Variants in ZNF385D observed in about 807,000 individuals in gnomAD.
ZNF385D encodes the protein zinc finger protein 385D.
In ZNF385D, 15 loss-of-function variants were observed where a neutral mutation model predicts 35.8. That is an observed-to-expected ratio of 0.42 (90% confidence interval 0.28 to 0.64). ZNF385D has a LOEUF of 0.64. Among genes scored for constraint, ZNF385D ranks in the 30% least tolerant of loss-of-function variants. The probability of loss-of-function intolerance (pLI) is 0.23; values close to 1 mark genes in which losing one functional copy is unlikely to be tolerated. For synonymous variants in ZNF385D, 212 were observed against 186.8 expected, an observed-to-expected ratio of 1.13 and a Z score of -1.10; for missense variants, 474 against 494.6, an observed-to-expected ratio of 0.96 and a Z score of 0.39.
intron 3 of ZNF385D, among the ~76,000 whole-genome samples, chr3:22,011,290 G>A (rs1461988085): frequency 2.6e-5 from 4 of 151,950 alleles, no homozygotes; most frequent in African/African-American, 7.2e-5. Context: ...AAATATTGAA[G>A]AGCAGTATTC....
At chr3:21,847,920 G>A (rs1575768986) in intron 3 of ZNF385D, among the ~76,000 whole-genome samples, 1 of 152,120 alleles carries the variant, frequency 6.6e-6, no homozygotes. Context: ...ATGTCGTGCA[G>A]CAGATACCTA....
intron 1 of ZNF385D, among the ~76,000 whole-genome samples, chr3:21,670,306 G>T (rs1204487453): frequency 6.6e-6 from 1 of 151,406 alleles, no homozygotes; most frequent in African/African-American, 2.4e-5. Flanking sequence ...AAATACTTAT[G>T]TTGAAATTAT....
intron 4 of ZNF385D, among the ~76,000 whole-genome samples, chr3:21,453,202 C>T (rs1353196910): frequency 2.6e-5 from 4 of 151,000 alleles, no homozygotes; most frequent in Admixed American, 2.0e-4. Flanking sequence ...ACCCCTGCCT[C>T]ACACCGCATG....
chr3:21,589,589 C>G (rs556490159), intron 2 of ZNF385D, among the ~76,000 whole-genome samples: 1 of 152,076 alleles, frequency 6.6e-6, no homozygotes, highest in East Asian at 1.9e-4. Flanking sequence ...TGCAAAGTCA[C>G]TGTAAAAAGA....
intron 2 of ZNF385D, among the ~76,000 whole-genome samples, chr3:22,187,960 G>T (rs56187360): frequency 0.13 from 19,021 of 152,132 alleles, 1,547 homozygotes; most frequent in Middle Eastern, 0.24. Context: ...ATGGCAAAGG[G>T]GATGTTGCAT....
At chr3:21,820,614 A>G (rs2073356507) in intron 3 of ZNF385D, among the ~76,000 whole-genome samples, 1 of 151,824 alleles carries the variant, frequency 6.6e-6, no homozygotes, top group Admixed American at 6.6e-5. Context: ...TAATAAAGAT[A>G]CATGAAAAAT....
intron 3 of ZNF385D, among the ~76,000 whole-genome samples, chr3:21,981,856 G>A (rs1694471975): frequency 6.6e-6 from 1 of 151,950 alleles, no homozygotes; most frequent in African/African-American, 2.4e-5. Context: ...CAGCTTTGTT[G>A]ACGATCAGAT....
chr3:21,777,871 G>C (rs902776212), intron 3 of ZNF385D: 6 of 151,846 alleles, frequency 4.0e-5, no homozygotes, highest in African/African-American at 1.4e-4. Context: ...AGGAAAAAGA[G>C]AGACATGTGG....
rs187210098 is a variant in ZNF385D, at chr3:21,680,040, A to G, written c.23-15012T>C. Among the ~76,000 whole-genome samples, 10 of 152,218 alleles carry G rather than the reference A, an allele frequency of 6.6e-5. No homozygotes were observed. The East Asian group carries it at 1.9e-3, about 30-fold the overall frequency. ...ATAGCTGACTTGGAATCTGGGACGT[A>G]AATATTTAATATTATTTATGGTCAG... On this transcript the variant is annotated intron_variant, in intron 1 of 7. Coordinates refer to ENST00000281523, the MANE Select transcript of ZNF385D (RefSeq NM_024697.3).
chr3:22,027,994 G>C (rs1327225148), intron 3 of ZNF385D, among the ~76,000 whole-genome samples: 2 of 152,178 alleles, frequency 1.3e-5, no homozygotes, highest in African/African-American at 4.8e-5. Flanking sequence ...TTCCCAGTGG[G>C]CAGAACTTCG....
At chr3:22,066,071 G>T (rs1242330140) in intron 3 of ZNF385D, among the ~76,000 whole-genome samples, 1 of 152,122 alleles carries the variant, frequency 6.6e-6, no homozygotes, top group African/African-American at 2.4e-5. Context: ...ATCTTCCAGA[G>T]ATGTTGTCAA....
chr3:21,536,093 T>C (rs1049825007), intron 3 of ZNF385D, among the ~76,000 whole-genome samples: 1 of 144,392 alleles, frequency 6.9e-6, no homozygotes, highest in Non-Finnish European at 1.5e-5. Flanking sequence ...CAAAACTTTC[T>C]TAATGATTAA....
intron 1 of ZNF385D, among the ~76,000 whole-genome samples, chr3:21,686,148 TTTTTTAATG>T (rs1474690299): frequency 6.6e-6 from 1 of 152,182 alleles, no homozygotes; most frequent in Non-Finnish European, 1.5e-5. Flanking sequence ...AAAGTAACCT[TTTTTTAATG>T]TCAGATGATT....
At chr3:22,163,273 T>C (rs9872961) in intron 3 of ZNF385D, among the ~76,000 whole-genome samples, 13,899 of 152,212 alleles carry the variant, frequency 0.091, 1,595 homozygotes, top group African/African-American at 0.27. Context: ...CAATGAATTC[T>C]AGCAGAGCAT....
intron 3 of ZNF385D, among the ~76,000 whole-genome samples, chr3:21,854,428 A>G (rs1184364445): frequency 6.6e-6 from 1 of 151,944 alleles, no homozygotes; most frequent in African/African-American, 2.4e-5. Flanking sequence ...GAATCAGATA[A>G]TTCTTTGCCG....
chr3:22,184,072 C>A (rs2336676), intron 2 of ZNF385D, among the ~76,000 whole-genome samples: 1 of 152,094 alleles, frequency 6.6e-6, no homozygotes, highest in South Asian at 2.1e-4. Context: ...GAGTTCTGAT[C>A]ATTAATTTAC....
chr3:21,695,428 G>T (rs562702689), intron 1 of ZNF385D, among the ~76,000 whole-genome samples: 1 of 152,254 alleles, frequency 6.6e-6, no homozygotes, highest in African/African-American at 2.4e-5. Context: ...GATGCTACCT[G>T]GTGCAGCACT....
chr3:22,362,550 C>A (rs746465701), intron 2 of ZNF385D, among the ~76,000 whole-genome samples: 4 of 151,944 alleles, frequency 2.6e-5, no homozygotes, highest in South Asian at 4.1e-4. Flanking sequence ...TGGGAGAGAA[C>A]AAATGGAAAG....
chr3:21,732,030 G>GTTTTTTTTTTTTTTTTT (rs1214143626), intron 1 of ZNF385D, among the ~76,000 whole-genome samples: 1 of 37,370 alleles, frequency 2.7e-5, no homozygotes, highest in South Asian at 8.2e-4. Flanking sequence ...TTTTTTCGGG[G>GTTTTTTTTTTTTTTTTT]TTTTTTTTTT....
Sources: allele counts gnomAD v4.1 joint callset (sites outside exome capture counted in the v4.1 genomes callset), GRCh38; gene constraint gnomAD v4.1.1; transcripts MANE v1.5; gene names NCBI Gene and HGNC (gene_info 2026-07-23, HGNC 2026-07-21).